The following PGAP4 variants were observed in gnomAD, a reference collection of about 807,000 sequenced individuals.
The protein encoded by PGAP4 is post-GPI attachment to proteins GalNAc transferase 4, also known as GPI-N-acetylgalactosamine transferase PGAP4.
In PGAP4, 12 loss-of-function variants were observed where a neutral mutation model predicts 28.2. That is an observed-to-expected ratio of 0.42 (90% CI 0.27 to 0.69). The LOEUF (loss-of-function observed/expected upper bound fraction) is 0.69, where lower values mean the gene tolerates loss of function less well. Ranked by LOEUF, PGAP4 falls within the 30% of genes least tolerant of loss-of-function variation. The pLI is 0.22. For synonymous variants in PGAP4, 205 were observed against 211.8 expected, an observed-to-expected ratio of 0.97 and a Z score of 0.28; for missense variants, 425 against 513.5, an observed-to-expected ratio of 0.83 and a Z score of 1.67.
In PGAP4 at chr9:101,474,773, C is replaced by T. The variant is rs13292501; in HGVS notation, c.*1108G>A. 106,962 of 152,098 alleles carry T rather than the reference C, an allele frequency of 0.7. 38,705 individuals carry two copies. Among genetic ancestry groups the T allele is most frequent in the East Asian group, 0.88 (4,569 of 5,174 alleles). 9.4% of individuals were successfully genotyped at this position (152,098 alleles called of 1,614,324 possible). A position where few individuals can be genotyped will look rare whatever the true frequency, so the allele number is the denominator to read the frequency against. The stretch of plus-strand genomic sequence containing the variant: ...TTATAGGAGAGAAAAGTTTGCCAAG[C>T]GTCTTCTATGGACTAAGCACTTGCT... On this transcript the variant is annotated 3_prime_UTR_variant, in exon 2 of 2. Coordinates refer to ENST00000374848, the MANE Select transcript of PGAP4 (RefSeq NM_032342.3).
chr9:101,484,973 T>C (rs974070520), intron 1 of PGAP4, among the ~76,000 whole-genome samples: 1 of 152,234 alleles, frequency 6.6e-6, no homozygotes, highest in African/African-American at 2.4e-5. Context: ...TCATTACTTT[T>C]ATAATCATAA....
chr9:101,503,746 C>G (rs1564099343), intron 2 of PGAP4, among the ~76,000 whole-genome samples: 1 of 151,966 alleles, frequency 6.6e-6, no homozygotes, highest in Non-Finnish European at 1.5e-5. Context: ...CCTGGTTCCC[C>G]TCTGGAAATC....
At chr9:101,507,486 C>A (rs1023874438) in intron 2 of PGAP4, among the ~76,000 whole-genome samples, 1 of 151,928 alleles carries the variant, frequency 6.6e-6, no homozygotes, top group African/African-American at 2.4e-5. Flanking sequence ...TCTGTGAGTC[C>A]CTAATATTTT....
At position 101,486,370 on chromosome 9, in the gene PGAP4, G is replaced by C. The variant is rs1213583345; in HGVS notation, c.-78+579C>G. On this transcript the variant is annotated intron_variant, in intron 1 of 1. Transcript: ENST00000374848. The surrounding 1 kb of genome is among the most constrained non-coding windows in gnomAD (Gnocchi z 4.7). ...GGTTTTTCCTGGTCCTGGGAGGGACGCCTTCCTCTGCCCAGTCGCCCTCCC... is the reference window on the plus strand; with the variant it reads ...GGTTTTTCCTGGTCCTGGGAGGGACCCCTTCCTCTGCCCAGTCGCCCTCCC... 6.6e-6 allele frequency among the ~76,000 whole-genome samples: 1 copy of C among 152,122 alleles called. No individual in the cohort carries two copies. The highest frequency in any genetic ancestry group is 1.9e-4 in the East Asian group (1 of 5,158).
At position 101,476,346 on chromosome 9, in the gene PGAP4, C is replaced by G; in HGVS notation, c.747G>C (p.Glu249Asp). 6.2e-7 allele frequency: 1 copy of G among 1,614,086 alleles called. No homozygotes were observed. The highest frequency in any genetic ancestry group is 8.5e-7 in the Non-Finnish European group (1 of 1,180,024). ...CTGGATTGATGTAGTGCTGGAGCCT[C>G]TCGGGGTGATACAGCTTGAGATAAA... Reference protein sequence around the residue: ...DALYLKLYHPERLQHYINPEP... With the variant: ...DALYLKLYHPDRLQHYINPEP... Residue 249 changes from glutamate to aspartate, a missense_variant, in exon 2 of 2, where the codon GAG becomes GAC. Physicochemically the swap from Glu to Asp is conservative, Grantham distance 45. Transcript: ENST00000374848. This position sits in a 1 kb window ranked among gnomAD's most constrained non-coding sequence, Gnocchi z 7.0.
At chr9:101,480,586 G>C (rs928350171) in intron 1 of PGAP4, 2 of 152,140 alleles carry the variant, frequency 1.3e-5, no homozygotes, top group African/African-American at 2.4e-5. Flanking sequence ...CCAATGACTG[G>C]AGAAATATTT....
At chr9:101,517,867 T>C (rs1826954923) in intron 2 of PGAP4, among the ~76,000 whole-genome samples, 1 of 152,184 alleles carries the variant, frequency 6.6e-6, no homozygotes, top group African/African-American at 2.4e-5. Flanking sequence ...CACTATTTTA[T>C]GTATTTATTT....
intron 2 of PGAP4, among the ~76,000 whole-genome samples, chr9:101,511,852 A>G (rs906848141): frequency 2.0e-5 from 3 of 152,098 alleles, no homozygotes; most frequent in Non-Finnish European, 4.4e-5. Context: ...TATAGTCTGT[A>G]TGTTTTCTGG....
intron 2 of PGAP4, among the ~76,000 whole-genome samples, chr9:101,497,679 A>G (rs1826763234): frequency 6.6e-6 from 1 of 151,692 alleles, no homozygotes. Context: ...TATTTTATCA[A>G]TAATTTAAAA....
At chr9:101,530,210 G>A (rs1045828063) in intron 2 of PGAP4, among the ~76,000 whole-genome samples, 1 of 152,200 alleles carries the variant, frequency 6.6e-6, no homozygotes. Flanking sequence ...AAGAGTTAGG[G>A]TGAAGACAGG....
chr9:101,504,159 T>C (rs1366467260), intron 2 of PGAP4, among the ~76,000 whole-genome samples: 1 of 150,360 alleles, frequency 6.7e-6, no homozygotes, highest in Non-Finnish European at 1.5e-5. Context: ...AACCTGATAT[T>C]AACCAATCTG....
At chr9:101,513,730 G>A (rs1190873792) in intron 2 of PGAP4, among the ~76,000 whole-genome samples, 1 of 152,112 alleles carries the variant, frequency 6.6e-6, no homozygotes, top group Non-Finnish European at 1.5e-5. Context: ...AGGGGAATGG[G>A]CTCACATAAT....
Position 101,486,032 on chromosome 9 carries a change from C to G in PGAP4, c.-78+917G>C, listed in dbSNP as rs1826606737. On this transcript the variant is annotated intron_variant, in intron 1 of 1. Transcript: ENST00000374848. This position sits in a 1 kb window ranked among gnomAD's most constrained non-coding sequence, Gnocchi z 4.7. ...TGAGATCATCATTGGAGCCGCCCTG[C>G]GGTCCCCCGGAGAGAGCCTGGGCCG... is the stretch of plus-strand genomic sequence containing the variant. 3.3e-5 allele frequency among the ~76,000 whole-genome samples: 5 copies of G among 152,274 alleles called. No individual in the cohort carries two copies. The South Asian group carries it at 1.0e-3, about 32-fold the overall frequency.
intron 2 of PGAP4, among the ~76,000 whole-genome samples, chr9:101,503,759 C>T (rs1402303945): frequency 1.3e-5 from 2 of 151,974 alleles, no homozygotes; most frequent in Non-Finnish European, 2.9e-5. Context: ...TGGAAATCCC[C>T]CTTTTTGATT....
At position 101,495,422 on chromosome 9, in the gene PGAP4, A is replaced by G. The variant is rs201972356; in HGVS notation, c.-164-6222T>C. Among the ~76,000 whole-genome samples, 15 of 66,880 alleles carry G rather than the reference A, an allele frequency of 2.2e-4. 1 individual carries two copies. The highest frequency in any genetic ancestry group is 4.0e-4 in the Admixed American group (2 of 5,058). The allele number at this position is 66,880 out of a possible 152,430, so 43.9% of individuals were successfully genotyped here. ...ATTTTATATATAATATATATTATAT[A>G]TGCTTATATTTTATATATAATATAT... On this transcript the variant is annotated intron_variant, in intron 2 of 3. Coordinates refer to the PGAP4 transcript ENST00000374851.
At chr9:101,484,540 C>T (rs1309604881) in intron 1 of PGAP4, among the ~76,000 whole-genome samples, 2 of 152,124 alleles carry the variant, frequency 1.3e-5, no homozygotes, top group Non-Finnish European at 2.9e-5. Context: ...GAGATGGGGT[C>T]TTTGGAAGGT....
upstream of PGAP4, among the ~76,000 whole-genome samples, chr9:101,491,303 C>T (rs1012992529): frequency 5.3e-5 from 8 of 152,120 alleles, no homozygotes; most frequent in African/African-American, 1.7e-4. Context: ...AATAGATGTG[C>T]AGTATAACCA....
chr9:101,522,367 A>G (rs1251964696), intron 2 of PGAP4, among the ~76,000 whole-genome samples: 2 of 152,104 alleles, frequency 1.3e-5, no homozygotes, highest in Middle Eastern at 3.2e-3. Flanking sequence ...TAGGTCTATT[A>G]GTAATTGTTT....
At chr9:101,522,218 CT>C (rs1332732012) in intron 2 of PGAP4, among the ~76,000 whole-genome samples, 1 of 152,128 alleles carries the variant, frequency 6.6e-6, no homozygotes, top group African/African-American at 2.4e-5. Context: ...CTGTATATAT[CT>C]TTTAAGTCCA....
Sources: allele counts gnomAD v4.1 joint callset (sites outside exome capture counted in the v4.1 genomes callset), GRCh38; gene constraint gnomAD v4.1.1; non-coding constraint Gnocchi (gnomAD v3.1); transcripts MANE v1.5; gene names NCBI Gene and HGNC (gene_info 2026-07-23, HGNC 2026-07-21).